Variants in TNS3 observed in about 807,000 individuals in gnomAD.
The protein encoded by TNS3 is tensin-3.
TNS3 carries 45 observed loss-of-function variants against 140.9 expected under a neutral mutation model. The observed-to-expected ratio is 0.32, with a 90% CI of 0.25 to 0.41. TNS3 has a LOEUF of 0.41. Ranked by LOEUF, TNS3 falls within the 10% of genes least tolerant of loss-of-function variation. TNS3 has a pLI of 1.00. For synonymous variants in TNS3, 815 were observed against 788.4 expected, an observed-to-expected ratio of 1.03 and a Z score of -0.56; for missense variants, 1,716 against 1,906.7, an observed-to-expected ratio of 0.90 and a Z score of 1.86.
At position 47,306,763 on chromosome 7, in the gene TNS3, G is replaced by C. The variant is rs531547433; in HGVS notation, c.2651-1760C>G. Among the ~76,000 whole-genome samples the C allele has an allele frequency of 1.1e-3, 173 of 152,280 alleles. 1 individual carries two copies. Among genetic ancestry groups the C allele is most frequent in the Middle Eastern group, 3.4e-3 (1 of 294 alleles). ...CTAATTTCTTTTTGTATTTTTAGTA[G>C]AGACGGGGTTTCATCATGTTAGCAA... On this transcript the variant is annotated intron_variant, in intron 20 of 30. Coordinates refer to ENST00000311160, the MANE Select transcript of TNS3 (RefSeq NM_022748.12).
intron 16 of TNS3, chr7:47,396,548 T>C (rs891201013): frequency 1.2e-5 from 6 of 507,842 alleles, no homozygotes; most frequent in Middle Eastern, 5.5e-4. Context: ...AGCTCCTGGA[T>C]ATAACTTCAC....
chr7:47,400,901 T>A lies in TNS3; in HGVS notation c.737A>T (p.His246Leu), dbSNP rs1449498541. Residue 246 changes from histidine (H) to leucine (L), a missense_variant, in exon 14 of 31, where the codon CAC becomes CTC. Coordinates refer to ENST00000311160, the MANE Select transcript of TNS3 (RefSeq NM_022748.12). ...LKGDVMVKCY[H>L]KKYRSATRDV... ...ACGGGTGGCCGAGCGGTATTTCTTG[T>A]GGTAGCATTTCACCTGGGTTAGAGA... 2 of 1,614,212 alleles carry A rather than the reference T, an allele frequency of 1.2e-6. No individual in the cohort carries two copies. Among genetic ancestry groups the A allele is most frequent in the East Asian group, 2.2e-5 (1 of 44,886 alleles).
At chr7:47,279,960 C>A in intron 30 of TNS3, 2 of 633,974 alleles carry the variant, frequency 3.2e-6, no homozygotes, top group South Asian at 4.0e-5. Context: ...TATTGCACAT[C>A]CAGCCAACAG....
At position 47,507,083 on chromosome 7, in the gene TNS3, T is replaced by C. The variant is rs901439319; in HGVS notation, c.-152-139A>G. ...TGGCCTCTCTCTGGCACGAGAGAGA[T>C]TTTTACATATGACACACGGCAGTGT... On this transcript the variant is annotated intron_variant, in intron 2 of 30. Transcript: ENST00000311160. 1.4e-5 allele frequency: 8 copies of C among 569,472 alleles called. No individual in the cohort carries two copies. In the Middle Eastern group the frequency reaches 1.6e-3, roughly 115 times the overall value. 35.3% of individuals were successfully genotyped at this position (569,472 alleles called of 1,614,324 possible).
Position 47,416,458 on chromosome 7 carries a change from T to C in TNS3, c.474-1252A>G, listed in dbSNP as rs115125746. ...AAAGCCCTACTTATAGTCCACCCAC[T>C]AGGAAAATGTTAGAAAAGCGAGTTT... On this transcript the variant is annotated intron_variant, in intron 10 of 30. Transcript: ENST00000311160. Among the ~76,000 whole-genome samples, 962 of 152,306 alleles carry C rather than the reference T, an allele frequency of 6.3e-3. 5 individuals carry two copies. Among genetic ancestry groups the C allele is most frequent in the African/African-American group, 0.021 (892 of 41,564 alleles).
At chr7:47,450,902 C>A (rs1370332941) in intron 4 of TNS3, among the ~76,000 whole-genome samples, 1 of 151,982 alleles carries the variant, frequency 6.6e-6, no homozygotes. Context: ...TTTGGGAGGC[C>A]AAGGCAGGGG....
intron 20 of TNS3, among the ~76,000 whole-genome samples, chr7:47,336,069 G>A (rs968823194): frequency 6.6e-6 from 1 of 151,780 alleles, no homozygotes; most frequent in Non-Finnish European, 1.5e-5. Context: ...AATGGGACTA[G>A]AATCCAAATG....
chr7:47,550,228 C>A (rs1319379866), intron 1 of TNS3, among the ~76,000 whole-genome samples: 1 of 152,152 alleles, frequency 6.6e-6, no homozygotes, highest in South Asian at 2.1e-4. Context: ...GGGTCCATGC[C>A]TGTTTGCTGA....
Position 47,400,801 on chromosome 7 carries a change from C to T in TNS3, c.837G>A (p.Leu279=). The T allele has an allele frequency of 6.2e-7, 1 of 1,614,212 alleles. No homozygotes were observed. The highest frequency in any genetic ancestry group is 8.5e-7 in the Non-Finnish European group (1 of 1,180,022). ...GCGCCTCACCTTTGCTGGCATTGTC[C>T]AGATCCTCCTTCCCAAACACCAGCC... is the stretch of plus-strand genomic sequence containing the variant. ...GYGLVFGKED[L]DNASKDDRFP... The change falls in exon 14 of 31, where the codon CTG becomes CTA. Residue 279 remains leucine (L), a synonymous_variant. Coordinates refer to ENST00000311160, the MANE Select transcript of TNS3 (RefSeq NM_022748.12).
intron 8 of TNS3, 44 bp from the exon 9 acceptor site, chr7:47,428,420 A>G: frequency 6.0e-6 from 8 of 1,328,648 alleles, no homozygotes; most frequent in Non-Finnish European, 7.9e-6. Flanking sequence ...GAAATCCCAC[A>G]GCAGAGATGT....
rs373764354 is a variant in TNS3, at chr7:47,403,777, G to A, written c.724-2863C>T. On this transcript the variant is annotated intron_variant, in intron 13 of 30. Transcript: ENST00000311160. The stretch of plus-strand genomic sequence containing the variant: ...TGAGACAAAATCCACTCACCAACCA[G>A]GAGCCCTCCATAGTGTGCAATAATT... Among the ~76,000 whole-genome samples the A allele has an allele frequency of 5.7e-4, 87 of 152,202 alleles. 1 individual carries two copies. The highest frequency in any genetic ancestry group is 1.7e-3 in the South Asian group (8 of 4,816).
chr7:47,529,597 C>A (rs1799321413), intron 1 of TNS3, among the ~76,000 whole-genome samples: 1 of 152,242 alleles, frequency 6.6e-6, no homozygotes, highest in African/African-American at 2.4e-5. Context: ...ACTGGCTTTC[C>A]TGGTTCAAAG....
intron 20 of TNS3, among the ~76,000 whole-genome samples, chr7:47,340,576 C>CTTTTTTTTCTTTTTTTTTTTTCTTTT (rs59140220): frequency 1.5e-5 from 2 of 130,174 alleles, no homozygotes; most frequent in Admixed American, 8.3e-5. Flanking sequence ...CTGGGATTTT[C>CTTTTTTTTCTTTTTTTTTTTTCTTTT]TTTTTTTTCT....
chr7:47,391,152 T>G (rs1436112260), intron 16 of TNS3, among the ~76,000 whole-genome samples: 1 of 152,228 alleles, frequency 6.6e-6, no homozygotes, highest in Non-Finnish European at 1.5e-5. Flanking sequence ...TGCCCAGGGC[T>G]AGGCATACCC....
At position 47,293,788 on chromosome 7, in the gene TNS3, G is replaced by T. The variant is rs375988920; in HGVS notation, c.3717C>A (p.Ile1239=). Residue 1239 remains isoleucine, a synonymous_variant, in exon 25 of 31, where the codon ATC becomes ATA. Transcript: ENST00000311160. The part of the protein sequence containing the change: ...LANELVRHFL[I]ECTPKGVRLK... ...ACCGCACTCCCTTCGGGGTACACTCGATCAAAAAGTGCCGGACGAGTTCAT... is the reference window on the plus strand; with the variant it reads ...ACCGCACTCCCTTCGGGGTACACTCTATCAAAAAGTGCCGGACGAGTTCAT... 1 of 1,614,006 alleles carries T rather than the reference G, an allele frequency of 6.2e-7. No individual in the cohort carries two copies. The highest frequency in any genetic ancestry group is 8.5e-7 in the Non-Finnish European group (1 of 1,180,026).
intron 27 of TNS3, among the ~76,000 whole-genome samples, chr7:47,291,368 C>G (rs913967562): frequency 1.3e-5 from 2 of 152,174 alleles, no homozygotes; most frequent in African/African-American, 4.8e-5. Context: ...AATGCAGGTT[C>G]ATCAACCATA....
intron 4 of TNS3, among the ~76,000 whole-genome samples, chr7:47,446,811 T>A (rs1014895500): frequency 2.0e-5 from 3 of 146,962 alleles, no homozygotes; most frequent in African/African-American, 7.5e-5. Flanking sequence ...TCCCACCTCA[T>A]CCTCTCAAGT....
At chr7:47,481,368 G>T (rs990812040) in intron 3 of TNS3, 1 of 329,606 alleles carries the variant, frequency 3.0e-6, no homozygotes, top group Non-Finnish European at 5.8e-6. Flanking sequence ...AAACCATGGG[G>T]CCTCCCCTTC....
chr7:47,511,656 G>A (rs1798611757), intron 2 of TNS3, among the ~76,000 whole-genome samples: 1 of 151,880 alleles, frequency 6.6e-6, no homozygotes, highest in South Asian at 2.1e-4. Flanking sequence ...TCAGAATGGG[G>A]TAAGGACCCA....
Sources: gnomAD v4.1 joint callset for allele counts (sites outside exome capture counted in the v4.1 genomes callset) on GRCh38, gnomAD v4.1.1 for gene constraint, MANE v1.5 for transcripts, NCBI Gene and HGNC (gene_info 2026-07-23, HGNC 2026-07-21) for gene names.